SCN2A: variants seen among roughly 807,000 people sequenced by gnomAD.
The protein encoded by SCN2A is sodium voltage-gated channel alpha subunit 2.
Under a neutral mutation model 188.7 loss-of-function variants are expected in SCN2A, and 20 were observed. The ratio of observed to expected loss-of-function variants is 0.11; its 90% CI spans 0.07 to 0.15. The LOEUF is 0.15. Among genes scored for constraint, SCN2A ranks in the 10% least tolerant of loss-of-function variants. SCN2A has a pLI of 1.00. For synonymous variants in SCN2A, 804 were observed against 833.1 expected, an observed-to-expected ratio of 0.97 and a Z score of 0.60; for missense variants, 1,278 against 2,445.0, an observed-to-expected ratio of 0.52 and a Z score of 10.07.
intron 17 of SCN2A, among the ~76,000 whole-genome samples, chr2:165,363,059 T>A (rs73025930): frequency 0.035 from 5,283 of 152,260 alleles, 294 homozygotes; most frequent in African/African-American, 0.12. Context: ...GAATCCTATG[T>A]AAACTTTTGC....
chr2:165,319,889 C>T (rs895703577), intron 11 of SCN2A, among the ~76,000 whole-genome samples: 9 of 152,136 alleles, frequency 5.9e-5, no homozygotes, highest in Admixed American at 1.3e-4. Flanking sequence ...ATTCCACCCC[C>T]GGCCCCTCCC....
intron 1 of SCN2A, among the ~76,000 whole-genome samples, chr2:165,291,446 C>CTTTCTTTCTTTCTTTA (rs1431279693): frequency 4.0e-5 from 1 of 24,776 alleles, no homozygotes; most frequent in Non-Finnish European, 1.0e-4. Context: ...CTCTTTCTTT[C>CTTTCTTTCTTTCTTTA]TTTCTTTCTT....
At chr2:165,351,242 T>G (rs1334413960) in intron 16 of SCN2A, among the ~76,000 whole-genome samples, 1 of 152,168 alleles carries the variant, frequency 6.6e-6, no homozygotes, top group Non-Finnish European at 1.5e-5. Context: ...CTAGTGGGTA[T>G]TAATAAACGC....
At chr2:165,349,607 A>G (rs1163723587) in intron 16 of SCN2A, among the ~76,000 whole-genome samples, 1 of 152,240 alleles carries the variant, frequency 6.6e-6, no homozygotes, top group Non-Finnish European at 1.5e-5. Flanking sequence ...ATGCATAAAA[A>G]GATATAGTTT....
rs755754936 is a variant in SCN2A at position 165,315,463 on chromosome 2, C to T, written c.1384-8C>T. On this transcript the variant is annotated splice_region_variant and splice_polypyrimidine_tract_variant and intron_variant, in intron 10 of 26. Coordinates refer to ENST00000375437, the MANE Select transcript of SCN2A (RefSeq NM_001040142.2). Reference sequence around the variant, plus strand: ...TATGCAACTTCCACATACTTTGCGCCCTTCTAGGCGGCAGCTGCAGCCGCA... The same window carrying T: ...TATGCAACTTCCACATACTTTGCGCTCTTCTAGGCGGCAGCTGCAGCCGCA... 2.5e-5 allele frequency: 40 copies of T among 1,613,650 alleles called. No individual in the cohort carries two copies. Among genetic ancestry groups the T allele is most frequent in the Non-Finnish European group, 3.3e-5 (39 of 1,179,718 alleles).
chr2:165,354,099 T>C (rs1700064131), intron 16 of SCN2A, 93 bp from the exon 17 acceptor site: 4 of 1,455,706 alleles, frequency 2.7e-6, no homozygotes, highest in Middle Eastern at 4.8e-4. Flanking sequence ...TAGAATAAAA[T>C]AAGGTGTCAA....
At chr2:165,382,505 A>G in intron 25 of SCN2A, among the ~76,000 whole-genome samples, 1 of 152,220 alleles carries the variant, frequency 6.6e-6, no homozygotes, top group East Asian at 1.9e-4. Flanking sequence ...AGAAGACTCA[A>G]TTGGGATGAA....
chr2:165,346,073 G>A (rs1428210653), intron 16 of SCN2A, among the ~76,000 whole-genome samples: 2 of 152,132 alleles, frequency 1.3e-5, no homozygotes, highest in Non-Finnish European at 2.9e-5. Context: ...TCTGCCGAGA[G>A]ATCTGCTGTT....
intron 14 of SCN2A, among the ~76,000 whole-genome samples, chr2:165,339,538 T>A (rs1699196043): frequency 6.6e-6 from 1 of 152,132 alleles, no homozygotes; most frequent in African/African-American, 2.4e-5. Context: ...ATAAACGCGA[T>A]ATTAAATATT....
chr2:165,341,623 A>G (rs1392140403), intron 14 of SCN2A, among the ~76,000 whole-genome samples: 5 of 152,198 alleles, frequency 3.3e-5, no homozygotes, highest in African/African-American at 1.2e-4. Flanking sequence ...GTAGTCTAGT[A>G]GATAAAGGGA....
intron 12 of SCN2A, among the ~76,000 whole-genome samples, chr2:165,324,949 C>G (rs939012640): frequency 6.6e-6 from 1 of 152,226 alleles, no homozygotes; most frequent in Admixed American, 6.5e-5. Flanking sequence ...CTACTTACAT[C>G]AGAATCTCAT....
intron 25 of SCN2A, among the ~76,000 whole-genome samples, chr2:165,383,944 A>G (rs752426670): frequency 6.6e-6 from 1 of 152,146 alleles, no homozygotes; most frequent in African/African-American, 2.4e-5. Flanking sequence ...ATGAATATTT[A>G]GAAGTAGCAA....
chr2:165,253,348 T>C (rs1393517566), intron 1 of SCN2A, among the ~76,000 whole-genome samples: 2 of 152,140 alleles, frequency 1.3e-5, no homozygotes, highest in Non-Finnish European at 2.9e-5. Flanking sequence ...CTGATGTGCA[T>C]AATACCTACC....
intron 13 of SCN2A, chr2:165,328,196 T>C (rs1032904719): frequency 1.3e-5 from 2 of 152,496 alleles, no homozygotes; most frequent in Non-Finnish European, 2.9e-5. Context: ...CCAGAAAAAA[T>C]TCACAGTGTA....
chr2:165,258,610 T>C (rs1046571199), intron 1 of SCN2A, among the ~76,000 whole-genome samples: 38 of 152,194 alleles, frequency 2.5e-4, no homozygotes, highest in African/African-American at 8.0e-4. Context: ...TATAAATGGT[T>C]CTACCATAAA....
chr2:165,323,596 T>C, intron 12 of SCN2A, 96 bp downstream of exon 12: 1 of 1,201,042 alleles, frequency 8.3e-7, no homozygotes, highest in African/African-American at 1.5e-5. Flanking sequence ...TTTGTTGAGT[T>C]TGTTGCCCAA....
At chr2:165,376,537 G>T (rs1701322128) in intron 22 of SCN2A, among the ~76,000 whole-genome samples, 1 of 151,784 alleles carries the variant, frequency 6.6e-6, no homozygotes. Flanking sequence ...TCTGCCCCAC[G>T]CTGGAAACAT....
chr2:165,366,287 A>G (rs1044745982), intron 18 of SCN2A, among the ~76,000 whole-genome samples: 2 of 152,218 alleles, frequency 1.3e-5, no homozygotes, highest in African/African-American at 4.8e-5. Context: ...TTATAGTATT[A>G]CAATTTGTTC....
chr2:165,373,549 G>C (rs1390388153), intron 21 of SCN2A, among the ~76,000 whole-genome samples: 1 of 152,064 alleles, frequency 6.6e-6, no homozygotes, highest in Non-Finnish European at 1.5e-5. Flanking sequence ...TATTGCCAGA[G>C]GGATTGTTTC....
Sources: gnomAD v4.1 joint callset for allele counts (sites outside exome capture counted in the v4.1 genomes callset) on GRCh38, gnomAD v4.1.1 for gene constraint, MANE v1.5 for transcripts, NCBI Gene and HGNC (gene_info 2026-07-23, HGNC 2026-07-21) for gene names.